The following UBE2E2 variants were observed in gnomAD, a reference collection of about 807,000 sequenced individuals.
The protein encoded by UBE2E2 is ubiquitin conjugating enzyme E2 E2.
UBE2E2 carries 6 observed loss-of-function variants against 24.7 expected under a neutral mutation model. That is an observed-to-expected ratio of 0.24 (90% CI 0.13 to 0.48). UBE2E2 has a LOEUF of 0.48. UBE2E2 is among the 20% of genes least tolerant of loss of function. UBE2E2 has a pLI of 0.99. For synonymous variants in UBE2E2, 104 were observed against 83.6 expected, an observed-to-expected ratio of 1.24 and a Z score of -1.33; for missense variants, 169 against 245.0, an observed-to-expected ratio of 0.69 and a Z score of 2.07.
intron 3 of UBE2E2, among the ~76,000 whole-genome samples, chr3:23,348,302 A>G (rs1004740221): frequency 2.7e-5 from 4 of 149,964 alleles, no homozygotes; most frequent in Non-Finnish European, 4.4e-5. Context: ...GGAACAGGAA[A>G]TCTGGACACA....
At chr3:23,383,830 A>T (rs1696739506) in intron 3 of UBE2E2, among the ~76,000 whole-genome samples, 1 of 149,806 alleles carries the variant, frequency 6.7e-6, no homozygotes, top group Admixed American at 6.7e-5. Flanking sequence ...TACCAATATG[A>T]TTTTTTTTTA....
intron 3 of UBE2E2, among the ~76,000 whole-genome samples, chr3:23,459,413 C>G (rs1182603028): frequency 6.6e-6 from 1 of 152,174 alleles, no homozygotes. Context: ...AAAAATAGTT[C>G]AACAGTTATT....
chr3:23,494,736 CT>C (rs1298763072), intron 3 of UBE2E2, among the ~76,000 whole-genome samples: 9 of 148,628 alleles, frequency 6.1e-5, no homozygotes, highest in African/African-American at 4.9e-5. Context: ...ATGCTTTTTT[CT>C]TTTTTTTTTG....
intron 4 of UBE2E2, among the ~76,000 whole-genome samples, chr3:23,522,177 C>A (rs975866075): frequency 7.0e-6 from 1 of 143,538 alleles, no homozygotes; most frequent in African/African-American, 2.6e-5. Flanking sequence ...GTTGCCCAGG[C>A]TGGAGTGCAG....
intron 4 of UBE2E2, among the ~76,000 whole-genome samples, chr3:23,521,183 A>G (rs1399825807): frequency 6.6e-6 from 1 of 152,216 alleles, no homozygotes; most frequent in Non-Finnish European, 1.5e-5. Context: ...TTTTACATTT[A>G]TCAAATCTGT....
At chr3:23,388,584 A>G (rs1696860919) in intron 3 of UBE2E2, among the ~76,000 whole-genome samples, 1 of 152,236 alleles carries the variant, frequency 6.6e-6, no homozygotes, top group South Asian at 2.1e-4. Flanking sequence ...CTACATGTTA[A>G]TACTCTAATG....
chr3:23,417,518 G>A (rs969869793), intron 3 of UBE2E2, among the ~76,000 whole-genome samples: 2 of 152,208 alleles, frequency 1.3e-5, no homozygotes, highest in Non-Finnish European at 2.9e-5. Flanking sequence ...CAGTCAGGAG[G>A]CATGGGGGTT....
chr3:23,391,010 A>G (rs528321394), intron 3 of UBE2E2, among the ~76,000 whole-genome samples: 7 of 152,198 alleles, frequency 4.6e-5, no homozygotes, highest in Non-Finnish European at 5.9e-5. Context: ...TACTTCTTCA[A>G]TGCTTATTGT....
rs1471540522 is a variant in UBE2E2, at chr3:23,329,067, A to G, written c.227+111755A>G. The stretch of plus-strand genomic sequence containing the variant: ...CCCTTCTCCCTGGATCTTATTTGCT[A>G]AAGTAGACATTGATTTCTCTTGAAA... On this transcript the variant is annotated intron_variant, in intron 3 of 5. Transcript: ENST00000396703. Among the ~76,000 whole-genome samples the G allele has an allele frequency of 3.3e-5, 5 of 152,318 alleles. No individual in the cohort carries two copies. In the South Asian group the frequency reaches 8.3e-4, roughly 25 times the overall value.
intron 5 of UBE2E2, among the ~76,000 whole-genome samples, chr3:23,584,372 CCT>C (rs1189723572): frequency 6.6e-6 from 1 of 151,792 alleles, no homozygotes; most frequent in Non-Finnish European, 1.5e-5. Context: ...AGTCTTGTTC[CCT>C]GTCTCTGTCC....
At chr3:23,529,894 T>G (rs552326494) in intron 4 of UBE2E2, among the ~76,000 whole-genome samples, 1 of 152,350 alleles carries the variant, frequency 6.6e-6, no homozygotes, top group South Asian at 2.1e-4. Flanking sequence ...ACTCATTAAA[T>G]ATCTGTCTTC....
At chr3:23,573,496 A>G (rs1696273533) in intron 5 of UBE2E2, among the ~76,000 whole-genome samples, 1 of 152,226 alleles carries the variant, frequency 6.6e-6, no homozygotes, top group Non-Finnish European at 1.5e-5. Flanking sequence ...AGTGCACTAA[A>G]TTTATTTTGG....
At chr3:23,586,488 G>A (rs1315198422) in intron 5 of UBE2E2, among the ~76,000 whole-genome samples, 1 of 151,956 alleles carries the variant, frequency 6.6e-6, no homozygotes, top group Non-Finnish European at 1.5e-5. Flanking sequence ...GTGGAGTTGG[G>A]GGTCTCAGTG....
chr3:23,479,325 G>A (rs1559396616), intron 3 of UBE2E2, among the ~76,000 whole-genome samples: 1 of 152,200 alleles, frequency 6.6e-6, no homozygotes, highest in Non-Finnish European at 1.5e-5. Flanking sequence ...ACTGTGGCTA[G>A]ATCAGACGTA....
chr3:23,568,302 C>CT (rs1696124361), intron 5 of UBE2E2, among the ~76,000 whole-genome samples: 1 of 152,072 alleles, frequency 6.6e-6, no homozygotes. Flanking sequence ...ACAGAAAAGA[C>CT]TTTGGGGGGT....
intron 4 of UBE2E2, among the ~76,000 whole-genome samples, chr3:23,506,293 C>T (rs574838785): frequency 6.6e-6 from 1 of 152,278 alleles, no homozygotes; most frequent in South Asian, 2.1e-4. Context: ...GTTGAACATC[C>T]AGTAGTCATC....
At chr3:23,357,764 T>G (rs777893320) in intron 3 of UBE2E2, among the ~76,000 whole-genome samples, 3 of 152,202 alleles carry the variant, frequency 2.0e-5, no homozygotes, top group East Asian at 1.9e-4. Context: ...GACTCCTTAT[T>G]ATTTATAAAC....
chr3:23,440,355 A>C (rs1026397143), intron 3 of UBE2E2, among the ~76,000 whole-genome samples: 1 of 152,208 alleles, frequency 6.6e-6, no homozygotes, highest in Non-Finnish European at 1.5e-5. Flanking sequence ...CAATCCTTGC[A>C]TCTCGTCCTC....
intron 3 of UBE2E2, among the ~76,000 whole-genome samples, chr3:23,444,511 A>G (rs1202749188): frequency 6.6e-6 from 1 of 152,204 alleles, no homozygotes; most frequent in African/African-American, 2.4e-5. Flanking sequence ...TAGGATGGGT[A>G]GAAAACACAA....
Sources: gnomAD v4.1 joint callset for allele counts (sites outside exome capture counted in the v4.1 genomes callset) on GRCh38, gnomAD v4.1.1 for gene constraint, MANE v1.5 for transcripts, NCBI Gene and HGNC (gene_info 2026-07-23, HGNC 2026-07-21) for gene names.